Variants in FTO observed in about 807,000 individuals in gnomAD.
The protein encoded by FTO is alpha-ketoglutarate-dependent dioxygenase FTO.
Under a neutral mutation model 63.9 loss-of-function variants are expected in FTO, and 47 were observed. The observed-to-expected ratio is 0.74, with a 90% CI of 0.58 to 0.94. The LOEUF (loss-of-function observed/expected upper bound fraction) is 0.94, where lower values mean the gene tolerates loss of function less well. FTO is among the 40% of genes least tolerant of loss of function. FTO has a pLI of 0.00. For missense variants in FTO, 562 were observed against 618.1 expected (o/e 0.91, Z 0.96); for synonymous variants, 207 against 224.4 (o/e 0.92, Z 0.69).
chr16:53,938,471 A>G (rs968273668), intron 8 of FTO, among the ~76,000 whole-genome samples: 1 of 152,220 alleles, frequency 6.6e-6, no homozygotes, highest in Non-Finnish European at 1.5e-5. Context: ...GAGGCCATGT[A>G]GCTCTGTTCT....
Position 54,111,789 on chromosome 16 carries a change from A to T in FTO, c.1392A>T (p.Leu464Phe), listed in dbSNP as rs1277348916. 2.5e-6 allele frequency: 4 copies of T among 1,613,996 alleles called. No homozygotes were observed. The South Asian group carries it at 4.4e-5, about 18-fold the overall frequency. The change falls in exon 9 of 9, where the codon TTA becomes TTT. Residue 464 changes from leucine (L) to phenylalanine (F), a missense_variant. Coordinates refer to ENST00000471389, the MANE Select transcript of FTO (RefSeq NM_001080432.3). ...ARCQSRIARTLPADQKPECRP... is the reference protein window; with the variant it reads ...ARCQSRIARTFPADQKPECRP... The stretch of plus-strand genomic sequence containing the variant: ...GCCAGTCACGAATTGCCCGAACATT[A>T]CCTGCTGATCAGAAGCCAGAATGTC...
chr16:53,730,110 A>G (rs1488335322), intron 1 of FTO, among the ~76,000 whole-genome samples: 1 of 152,230 alleles, frequency 6.6e-6, no homozygotes, highest in Non-Finnish European at 1.5e-5. Flanking sequence ...GACAGTATAC[A>G]TTTTGAAGAG....
chr16:54,037,814 T>C (rs1036532509), intron 8 of FTO, among the ~76,000 whole-genome samples: 6 of 152,194 alleles, frequency 3.9e-5, no homozygotes, highest in African/African-American at 1.2e-4. Context: ...TATATAGTCA[T>C]TATGTTAAAA....
chr16:53,804,454 G>A (rs1450649512), intron 1 of FTO, among the ~76,000 whole-genome samples: 4 of 152,018 alleles, frequency 2.6e-5, no homozygotes, highest in Admixed American at 1.3e-4. Context: ...TTCTACTTTC[G>A]CCTCCAAATC....
At chr16:53,890,878 A>T (rs1459975152) in intron 7 of FTO, among the ~76,000 whole-genome samples, 2 of 152,214 alleles carry the variant, frequency 1.3e-5, no homozygotes, top group Non-Finnish European at 2.9e-5. Flanking sequence ...CATATGAGTT[A>T]GAACCTCTTA....
At chr16:53,840,689 C>G (rs575940867) in intron 3 of FTO, among the ~76,000 whole-genome samples, 1 of 152,282 alleles carries the variant, frequency 6.6e-6, no homozygotes, top group South Asian at 2.1e-4. Context: ...TGCCTGTGAT[C>G]TCTGCAACCC....
At chr16:53,913,478 T>A (rs560859496) in intron 7 of FTO, among the ~76,000 whole-genome samples, 1 of 152,338 alleles carries the variant, frequency 6.6e-6, no homozygotes, top group East Asian at 1.9e-4. Context: ...GCAAACCATG[T>A]AGGTTTTCTG....
chr16:54,004,813 G>C (rs2084156575), intron 8 of FTO, among the ~76,000 whole-genome samples: 1 of 152,156 alleles, frequency 6.6e-6, no homozygotes, highest in Non-Finnish European at 1.5e-5. Flanking sequence ...GCTCACACCT[G>C]TAATCCCAGT....
intron 1 of FTO, among the ~76,000 whole-genome samples, chr16:53,784,069 A>T (rs898813017): frequency 2.0e-5 from 3 of 152,178 alleles, no homozygotes; most frequent in East Asian, 1.9e-4. Context: ...TGAGCAGCCA[A>T]ATCTAGCTAG....
chr16:53,897,315 T>C (rs898141285), intron 7 of FTO, among the ~76,000 whole-genome samples: 6 of 152,154 alleles, frequency 3.9e-5, no homozygotes, highest in African/African-American at 1.4e-4. Context: ...CTTGTTTCTT[T>C]TAATACCGCT....
intron 8 of FTO, among the ~76,000 whole-genome samples, chr16:54,098,194 T>G (rs2086557247): frequency 6.6e-6 from 1 of 152,222 alleles, no homozygotes; most frequent in Non-Finnish European, 1.5e-5. Context: ...ATGATCTTTA[T>G]AAATTAGCAT....
At chr16:53,930,400 T>C (rs1344751132) in intron 7 of FTO, among the ~76,000 whole-genome samples, 1 of 151,728 alleles carries the variant, frequency 6.6e-6, no homozygotes, top group Non-Finnish European at 1.5e-5. Flanking sequence ...ATTTTTTGTG[T>C]TTTTAGTAGA....
At chr16:53,893,330 C>T (rs917666461) in intron 7 of FTO, among the ~76,000 whole-genome samples, 7 of 151,956 alleles carry the variant, frequency 4.6e-5, no homozygotes, top group East Asian at 1.9e-4. Context: ...CTACCCCCAC[C>T]GCCCCTGCCA....
chr16:53,885,238 G>T (rs1356794562), intron 6 of FTO, among the ~76,000 whole-genome samples: 1 of 152,146 alleles, frequency 6.6e-6, no homozygotes, highest in East Asian at 1.9e-4. Context: ...AGCAGGTGGA[G>T]ATTTTTTTTG....
At chr16:54,019,606 G>A (rs1270364235) in intron 8 of FTO, among the ~76,000 whole-genome samples, 1 of 146,814 alleles carries the variant, frequency 6.8e-6, no homozygotes, top group Non-Finnish European at 1.5e-5. Context: ...GGCCCTTCAG[G>A]TAGAAACCAG....
In FTO at chr16:53,854,552, C is replaced by A. The variant is rs79167146; in HGVS notation, c.895+10254C>A. Among the ~76,000 whole-genome samples the A allele has an allele frequency of 3.6e-3, 549 of 151,994 alleles. 2 individuals carry two copies. Among genetic ancestry groups the A allele is most frequent in the African/African-American group, 0.013 (519 of 41,516 alleles). ...CCCGCACTGTTTTGAATAGGGTGTC[C>A]CTTTTCCAGTATATCCTTTGTCGAA... On this transcript the variant is annotated intron_variant, in intron 4 of 8. Coordinates refer to ENST00000471389, the MANE Select transcript of FTO (RefSeq NM_001080432.3).
At chr16:54,099,469 G>A (rs763338066) in intron 8 of FTO, among the ~76,000 whole-genome samples, 2 of 152,066 alleles carry the variant, frequency 1.3e-5, no homozygotes. Context: ...CCAACCAAGC[G>A]GCCTCCGACT....
intron 8 of FTO, among the ~76,000 whole-genome samples, chr16:54,006,177 A>T (rs1599188288): frequency 1.3e-5 from 2 of 152,228 alleles, no homozygotes; most frequent in African/African-American, 4.8e-5. Flanking sequence ...TTCCCTTTCT[A>T]GCTTACTAAG....
chr16:53,854,825 A>G (rs1355976417), intron 4 of FTO, among the ~76,000 whole-genome samples: 2 of 152,096 alleles, frequency 1.3e-5, no homozygotes, highest in African/African-American at 4.8e-5. Flanking sequence ...GACAAATTAC[A>G]TTGGTATTTT....
Sources: allele counts gnomAD v4.1 joint callset (sites outside exome capture counted in the v4.1 genomes callset), GRCh38; gene constraint gnomAD v4.1.1; transcripts MANE v1.5; gene names NCBI Gene and HGNC (gene_info 2026-07-23, HGNC 2026-07-21).